Variants in PARVB observed in about 807,000 individuals in gnomAD.
PARVB encodes the protein beta-parvin.
PARVB carries 46 observed loss-of-function variants against 47.0 expected under a neutral mutation model. That is an observed-to-expected ratio of 0.98 (90% CI 0.77 to 1.25). The LOEUF (loss-of-function observed/expected upper bound fraction) is 1.25, where lower values mean the gene tolerates loss of function less well. PARVB is among the 50% of genes most tolerant of loss of function. PARVB has a pLI of 0.00. For missense variants in PARVB, 473 were observed against 471.6 expected, an observed-to-expected ratio of 1.00 and a Z score of -0.03; for synonymous variants, 196 against 196.3, an observed-to-expected ratio of 1.00 and a Z score of 0.01.
intron 1 of PARVB, among the ~76,000 whole-genome samples, chr22:44,048,191 T>C (rs541614441): frequency 6.5e-4 from 99 of 152,280 alleles, no homozygotes; most frequent in African/African-American, 2.3e-3. Context: ...TTCTTGATAC[T>C]TTTTCACTGG....
rs1271715505 is a variant in PARVB, at chr22:44,172,359, G to A, written c.*3681G>A. 6.6e-6 allele frequency: 1 copy of A among 152,538 alleles called. No homozygotes were observed. The highest frequency in any genetic ancestry group is 6.5e-5 in the Admixed American group (1 of 15,342). 9.4% of individuals were successfully genotyped at this position (152,538 alleles called of 1,614,324 possible). A position where few individuals can be genotyped will look rare whatever the true frequency, so the allele number is the denominator to read the frequency against. ...AATGGTTCTTTGAAGAGGAACCCTG[G>A]TCCATAGGAACTGAGTGAAAGCAAG... On this transcript the variant is annotated 3_prime_UTR_variant, in exon 13 of 13. Coordinates refer to ENST00000338758, the MANE Select transcript of PARVB (RefSeq NM_013327.5).
intron 1 of PARVB, among the ~76,000 whole-genome samples, chr22:44,085,876 A>T (rs1334022502): frequency 6.6e-6 from 1 of 152,232 alleles, no homozygotes; most frequent in Non-Finnish European, 1.5e-5. Flanking sequence ...TGCCATCTGA[A>T]TAGGACAGGG....
intron 2 of PARVB, among the ~76,000 whole-genome samples, chr22:44,018,951 C>T (rs775655438): frequency 5.9e-5 from 9 of 152,324 alleles, no homozygotes; most frequent in African/African-American, 4.8e-5. Flanking sequence ...AAGTCTCGCT[C>T]TTGTCCCCCA....
intron 2 of PARVB, among the ~76,000 whole-genome samples, chr22:44,007,375 C>T (rs2050477028): frequency 6.6e-6 from 1 of 152,192 alleles, no homozygotes; most frequent in South Asian, 2.1e-4. Flanking sequence ...CACTCCCACG[C>T]TGGAGGCCAG....
intron 10 of PARVB, among the ~76,000 whole-genome samples, chr22:44,156,945 G>A (rs1450716136): frequency 6.6e-6 from 1 of 152,216 alleles, no homozygotes; most frequent in Admixed American, 6.5e-5. Flanking sequence ...GAGATGGGTG[G>A]TGGTGAGGGT....
At chr22:44,135,500 G>T (rs912924062) in intron 6 of PARVB, among the ~76,000 whole-genome samples, 1 of 152,116 alleles carries the variant, frequency 6.6e-6, no homozygotes, top group Non-Finnish European at 1.5e-5. Context: ...CTCATGATCT[G>T]CCTGCCTTGG....
chr22:44,146,149 AC>A (rs1231572675), intron 8 of PARVB: 2 of 147,500 alleles, frequency 1.4e-5, no homozygotes, highest in African/African-American at 5.0e-5. Context: ...ACATGCACAC[AC>A]GTGCTCACAC....
rs550236219 is a variant in PARVB at position 44,155,953 on chromosome 22, C to A, written c.844-2029C>A. ...GGATCATGAGGTCAGGAGTTCAAGA[C>A]CAGCCTGACCAACATGGTGAAACCC... is the stretch of plus-strand genomic sequence containing the variant. On this transcript the variant is annotated intron_variant, in intron 10 of 12. Coordinates refer to ENST00000338758, the MANE Select transcript of PARVB (RefSeq NM_013327.5). The surrounding 1 kb of genome is among the most constrained non-coding windows in gnomAD (Gnocchi z 4.8). 2.6e-5 allele frequency among the ~76,000 whole-genome samples: 4 copies of A among 152,234 alleles called. No individual in the cohort carries two copies. The highest frequency in any genetic ancestry group is 2.6e-4 in the Admixed American group (4 of 15,296).
intron 1 of PARVB, among the ~76,000 whole-genome samples, chr22:44,045,387 G>A (rs1187881579): frequency 6.6e-6 from 1 of 152,208 alleles, no homozygotes; most frequent in Non-Finnish European, 1.5e-5. Context: ...AAATGTGTTG[G>A]TGAGTGTTGA....
At chr22:44,024,215 C>A (rs993884667), upstream of PARVB, 13 of 353,412 alleles carry the variant, frequency 3.7e-5, no homozygotes, top group Admixed American at 2.6e-4. Context: ...GGGCCGCGCT[C>A]CAGGCCAGGG....
intron 2 of PARVB, among the ~76,000 whole-genome samples, chr22:44,018,381 G>A (rs147083383): frequency 0.012 from 1,838 of 152,196 alleles, 42 homozygotes; most frequent in African/African-American, 0.042. Context: ...CAGCCTGGGC[G>A]ACAAGAATGA....
At chr22:44,007,551 G>A (rs1393118871) in intron 2 of PARVB, among the ~76,000 whole-genome samples, 1 of 152,128 alleles carries the variant, frequency 6.6e-6, no homozygotes, top group Non-Finnish European at 1.5e-5. Context: ...CCTTCCTGTA[G>A]ATTCCTCTTC....
intron 1 of PARVB, among the ~76,000 whole-genome samples, chr22:44,085,430 G>T (rs10427634): frequency 0.088 from 13,365 of 152,078 alleles, 1,956 homozygotes; most frequent in African/African-American, 0.31. Context: ...CCAGCCTCCT[G>T]GGTAGCTGGG....
intron 2 of PARVB, among the ~76,000 whole-genome samples, chr22:44,016,521 A>G (rs1447996155): frequency 3.3e-5 from 5 of 152,214 alleles, no homozygotes; most frequent in Non-Finnish European, 7.3e-5. Flanking sequence ...AGGCCACTTC[A>G]ATAACACATC....
chr22:44,047,674 A>G (rs2051137607), intron 1 of PARVB, among the ~76,000 whole-genome samples: 3 of 152,164 alleles, frequency 2.0e-5, no homozygotes, highest in African/African-American at 7.2e-5. Flanking sequence ...AAAATAAAAA[A>G]TAAAAAACCC....
rs1010034417 is a variant in PARVB, at chr22:44,068,306, G to A, written c.113-25622G>A. Among the ~76,000 whole-genome samples the A allele has an allele frequency of 2.6e-5, 4 of 152,124 alleles. No individual in the cohort carries two copies. The highest frequency in any genetic ancestry group is 5.9e-5 in the Non-Finnish European group (4 of 68,020). ...TTGTTAATAACCCCTTTTTACCGAC[G>A]AGGAACCCAGACCAGACAGAGAGCC... On this transcript the variant is annotated intron_variant, in intron 1 of 12. Coordinates refer to ENST00000338758, the MANE Select transcript of PARVB (RefSeq NM_013327.5). The surrounding 1 kb of genome is among the most constrained non-coding windows in gnomAD (Gnocchi z 4.1).
At chr22:44,140,255 A>C in intron 8 of PARVB, 112 bp downstream of exon 8, 1 of 1,038,960 alleles carries the variant, frequency 9.6e-7, no homozygotes, top group Non-Finnish European at 1.5e-6. Context: ...GATGGGTCTC[A>C]CTGCCCCCAT....
chr22:44,087,559 G>A (rs778758388), intron 1 of PARVB, among the ~76,000 whole-genome samples: 1 of 152,134 alleles, frequency 6.6e-6, no homozygotes, highest in East Asian at 1.9e-4. Context: ...TCTTCTCTCC[G>A]TTAAGGTAAC....
At chr22:44,148,240 C>T (rs766835193) in intron 9 of PARVB, 2 of 389,066 alleles carry the variant, frequency 5.1e-6, no homozygotes. Flanking sequence ...CAGCCTGCTG[C>T]TCTCGCTGGC....
Sources: allele counts gnomAD v4.1 joint callset (sites outside exome capture counted in the v4.1 genomes callset), GRCh38; gene constraint gnomAD v4.1.1; non-coding constraint Gnocchi (gnomAD v3.1); transcripts MANE v1.5; gene names NCBI Gene and HGNC (gene_info 2026-07-23, HGNC 2026-07-21).